Variants in MARCHF1 observed in about 807,000 individuals in gnomAD.
The protein encoded by MARCHF1 is membrane associated ring-CH-type finger 1.
Under a neutral mutation model 54.2 loss-of-function variants are expected in MARCHF1, and 40 were observed. That is an observed-to-expected ratio of 0.74 (90% CI 0.57 to 0.96). The LOEUF (loss-of-function observed/expected upper bound fraction) is 0.96, where lower values mean the gene tolerates loss of function less well. Ranked by LOEUF, MARCHF1 falls within the 40% of genes least tolerant of loss-of-function variation. The pLI, the probability that MARCHF1 is intolerant of heterozygous loss-of-function variation, is 0.00. For synonymous variants in MARCHF1, 236 were observed against 236.3 expected, an observed-to-expected ratio of 1.00 and a Z score of 0.01; for missense variants, 586 against 656.5, an observed-to-expected ratio of 0.89 and a Z score of 1.17.
intron 8 of MARCHF1, among the ~76,000 whole-genome samples, chr4:163,566,106 A>T (rs1303989718): frequency 1.3e-5 from 2 of 152,210 alleles, no homozygotes; most frequent in Non-Finnish European, 2.9e-5. Context: ...GCTTCTAAAA[A>T]TCACCATAAA....
In MARCHF1 at chr4:163,960,418, A is replaced by G. The variant is rs150187787; in HGVS notation, c.-39+28083T>C. Among the ~76,000 whole-genome samples the G allele has an allele frequency of 5.6e-3, 856 of 152,216 alleles. 4 individuals carry two copies. The highest frequency in any genetic ancestry group is 7.5e-3 in the Non-Finnish European group (512 of 67,970). On this transcript the variant is annotated intron_variant, in intron 3 of 9. Coordinates refer to ENST00000514618, the MANE Select transcript of MARCHF1 (RefSeq NM_001394959.1). ...ATGGAATCAACCTAAATGTCCATCA[A>G]TGACAGATTAGATAAAGAAAACTTG...
At chr4:164,118,259 A>G (rs1053391414) in intron 1 of MARCHF1, among the ~76,000 whole-genome samples, 5 of 151,756 alleles carry the variant, frequency 3.3e-5, no homozygotes, top group Non-Finnish European at 7.4e-5. Flanking sequence ...CCAAGACAGA[A>G]CTTAATATTC....
chr4:164,100,129 T>A (rs192648977), intron 2 of MARCHF1, among the ~76,000 whole-genome samples: 1 of 152,338 alleles, frequency 6.6e-6, no homozygotes, highest in African/African-American at 2.4e-5. Context: ...AGCAAGCATT[T>A]CCTCTTCAGA....
chr4:163,913,536 A>G (rs1446858202), intron 3 of MARCHF1, among the ~76,000 whole-genome samples: 1 of 152,156 alleles, frequency 6.6e-6, no homozygotes, highest in Non-Finnish European at 1.5e-5. Flanking sequence ...ATCCTACATT[A>G]CTAATGGGAA....
At chr4:164,106,147 A>G (rs1390045742) in intron 2 of MARCHF1, among the ~76,000 whole-genome samples, 1 of 149,286 alleles carries the variant, frequency 6.7e-6, no homozygotes, top group Non-Finnish European at 1.5e-5. Context: ...GAGAAATAGG[A>G]ACACTTTTAC....
At chr4:163,683,382 C>T (rs67496916) in intron 5 of MARCHF1, among the ~76,000 whole-genome samples, 26,672 of 152,024 alleles carry the variant, frequency 0.18, 3,000 homozygotes, top group East Asian at 0.32. Flanking sequence ...GACCTGCCCC[C>T]ATGATTCAGT....
At chr4:164,251,575 G>C (rs1055819036) in intron 1 of MARCHF1, among the ~76,000 whole-genome samples, 2 of 152,108 alleles carry the variant, frequency 1.3e-5, no homozygotes, top group African/African-American at 4.8e-5. Context: ...GTAAACGAAT[G>C]CGGTTTTGCA....
intron 8 of MARCHF1, among the ~76,000 whole-genome samples, chr4:163,572,655 G>A (rs72989863): frequency 0.28 from 43,215 of 151,904 alleles, 7,011 homozygotes; most frequent in Middle Eastern, 0.4. Flanking sequence ...CAAAGTCCTC[G>A]GGAGGGAATT....
At chr4:164,101,447 T>G (rs9759834) in intron 2 of MARCHF1, among the ~76,000 whole-genome samples, 1 of 102,878 alleles carries the variant, frequency 9.7e-6, no homozygotes, top group Non-Finnish European at 2.3e-5. Flanking sequence ...TCAAGTGGGT[T>G]CCTGACCCCT....
chr4:163,948,645 G>A (rs1219487268), intron 3 of MARCHF1, among the ~76,000 whole-genome samples: 1 of 152,084 alleles, frequency 6.6e-6, no homozygotes, highest in Non-Finnish European at 1.5e-5. Context: ...TTAAATACAG[G>A]AGAGGAGAGA....
chr4:164,214,899 G>C (rs758953401), intron 1 of MARCHF1, among the ~76,000 whole-genome samples: 8 of 152,094 alleles, frequency 5.3e-5, no homozygotes, highest in Non-Finnish European at 1.0e-4. Context: ...CAGGGCGTGC[G>C]ATGGGGCTGT....
chr4:164,362,725 A>C (rs996468187), intron 1 of MARCHF1, among the ~76,000 whole-genome samples: 5 of 152,196 alleles, frequency 3.3e-5, no homozygotes, highest in Non-Finnish European at 7.4e-5. Flanking sequence ...TAACAATTTT[A>C]AACATAATTT....
chr4:163,999,782 A>G (rs1560855404), intron 2 of MARCHF1, among the ~76,000 whole-genome samples: 1 of 151,644 alleles, frequency 6.6e-6, no homozygotes, highest in African/African-American at 2.4e-5. Context: ...ATATATATGT[A>G]TAATTTAATT....
In MARCHF1 at chr4:164,348,136, T is replaced by G. The variant is rs531175698; in HGVS notation, c.-323+35734A>C. ...TAGAAGCAGATGAAAAAGAGAGAGA[T>G]AAAATCCAGACATGTTTCTCAATAA... is the stretch of plus-strand genomic sequence containing the variant. On this transcript the variant is annotated intron_variant, in intron 1 of 9. Coordinates refer to ENST00000514618, the MANE Select transcript of MARCHF1 (RefSeq NM_001394959.1). Among the ~76,000 whole-genome samples the G allele has an allele frequency of 6.6e-5, 10 of 152,144 alleles. No homozygotes were observed. In the South Asian group the frequency reaches 1.9e-3, roughly 28 times the overall value.
intron 2 of MARCHF1, among the ~76,000 whole-genome samples, chr4:164,109,148 G>A (rs1755774712): frequency 6.6e-6 from 1 of 152,008 alleles, no homozygotes; most frequent in South Asian, 2.1e-4. Context: ...AGCCACTGTT[G>A]ATTGAAGTGA....
At chr4:163,750,009 C>T (rs1746474025) in intron 4 of MARCHF1, among the ~76,000 whole-genome samples, 1 of 151,670 alleles carries the variant, frequency 6.6e-6, no homozygotes, top group Admixed American at 6.6e-5. Flanking sequence ...GCAAAGGTTG[C>T]AGTGAGCTGA....
At chr4:164,257,117 T>C (rs1334804379) in intron 1 of MARCHF1, among the ~76,000 whole-genome samples, 3 of 152,060 alleles carry the variant, frequency 2.0e-5, no homozygotes, top group Non-Finnish European at 2.9e-5. Flanking sequence ...TCACATAATA[T>C]ATACAAAATT....
intron 4 of MARCHF1, among the ~76,000 whole-genome samples, chr4:163,849,070 T>C (rs913474135): frequency 2.6e-5 from 4 of 152,168 alleles, no homozygotes; most frequent in Non-Finnish European, 5.9e-5. Context: ...ATCTTTGTGT[T>C]TAGTCAAATA....
intron 3 of MARCHF1, among the ~76,000 whole-genome samples, chr4:163,923,445 T>C (rs1434325230): frequency 6.6e-6 from 1 of 151,984 alleles, no homozygotes; most frequent in African/African-American, 2.4e-5. Flanking sequence ...TAATTAAGAG[T>C]TCTGTATGGA....
Sources: gnomAD v4.1 joint callset for allele counts (sites outside exome capture counted in the v4.1 genomes callset) on GRCh38, gnomAD v4.1.1 for gene constraint, MANE v1.5 for transcripts, NCBI Gene and HGNC (gene_info 2026-07-23, HGNC 2026-07-21) for gene names.